LINGO2: variants seen among roughly 807,000 people sequenced by gnomAD.
LINGO2 encodes leucine rich repeat and Ig domain containing 2.
In LINGO2, 14 loss-of-function variants were observed where a neutral mutation model predicts 30.6. The ratio of observed to expected loss-of-function variants is 0.46; its 90% CI spans 0.30 to 0.72. The LOEUF (loss-of-function observed/expected upper bound fraction) is 0.72, where lower values mean the gene tolerates loss of function less well. Ranked by LOEUF, LINGO2 falls within the 30% of genes least tolerant of loss-of-function variation. The pLI is 0.07. For synonymous variants in LINGO2, 317 were observed against 288.5 expected, an observed-to-expected ratio of 1.10 and a Z score of -1.00; for missense variants, 729 against 751.7, an observed-to-expected ratio of 0.97 and a Z score of 0.35.
chr9:28,667,707 G>A (rs1291885906), intron 1 of LINGO2, among the ~76,000 whole-genome samples: 1 of 152,132 alleles, frequency 6.6e-6, no homozygotes, highest in Non-Finnish European at 1.5e-5. Context: ...TTGTGCCACT[G>A]CACTCCAGCC....
intron 2 of LINGO2, among the ~76,000 whole-genome samples, chr9:28,382,862 C>G (rs537707268): frequency 6.6e-6 from 1 of 152,132 alleles, no homozygotes; most frequent in African/African-American, 2.4e-5. Flanking sequence ...AAATGAAATA[C>G]TACCACAAAA....
At chr9:28,987,507 TTTTG>T in the LINGO2 span, among the ~76,000 whole-genome samples, 1 of 150,916 alleles carries the variant, frequency 6.6e-6, no homozygotes, top group African/African-American at 2.5e-5. Flanking sequence ...TTTATTGACC[TTTTG>T]TATTATTTTT....
the LINGO2 span, among the ~76,000 whole-genome samples, chr9:28,796,206 A>C: frequency 6.6e-6 from 1 of 152,154 alleles, no homozygotes; most frequent in East Asian, 1.9e-4. Flanking sequence ...GAGGCAGAGG[A>C]TAGAGCTTCC....
In LINGO2 at chr9:28,147,868, T is replaced by C. The variant is rs970124784; in HGVS notation, c.-86-135463A>G. 7.2e-5 allele frequency among the ~76,000 whole-genome samples: 11 copies of C among 152,070 alleles called. No homozygotes were observed. The highest frequency in any genetic ancestry group is 1.3e-4 in the Non-Finnish European group (9 of 67,988). On this transcript the variant is annotated intron_variant, in intron 4 of 5. Transcript: ENST00000379992. The surrounding 1 kb of genome is among the most constrained non-coding windows in gnomAD (Gnocchi z 4.7). ...CACCCTGGCTCTGTCACCAGCCCCA[T>C]AGTGATGTCATAAACTCCCAGATGC...
chr9:29,183,789 A>G, the LINGO2 span, among the ~76,000 whole-genome samples: 2 of 151,878 alleles, frequency 1.3e-5, 1 homozygote, highest in South Asian at 4.2e-4. Flanking sequence ...TGCTACACAA[A>G]GATGTAGCAT....
At chr9:28,241,223 C>A (rs190780586) in intron 4 of LINGO2, among the ~76,000 whole-genome samples, 2 of 130,794 alleles carry the variant, frequency 1.5e-5, no homozygotes, top group East Asian at 2.4e-4. Flanking sequence ...GAGCTGAGAT[C>A]GTGCCACTGC....
At chr9:28,085,840 G>C (rs192571702) in intron 4 of LINGO2, among the ~76,000 whole-genome samples, 2 of 152,028 alleles carry the variant, frequency 1.3e-5, no homozygotes, top group Non-Finnish European at 2.9e-5. Flanking sequence ...CGCTGGTGAG[G>C]TATTTTACTG....
chr9:27,968,048 G>C (rs1208631622), intron 5 of LINGO2, among the ~76,000 whole-genome samples: 2 of 152,100 alleles, frequency 1.3e-5, no homozygotes, highest in African/African-American at 4.8e-5. Flanking sequence ...CCAAAAAAGA[G>C]TAGAAAACTA....
At chr9:28,100,304 T>C (rs1465549534) in intron 4 of LINGO2, among the ~76,000 whole-genome samples, 2 of 152,172 alleles carry the variant, frequency 1.3e-5, no homozygotes, top group Non-Finnish European at 2.9e-5. Context: ...CAATGTGAGC[T>C]CTTAGCATGT....
intron 4 of LINGO2, among the ~76,000 whole-genome samples, chr9:28,216,206 A>AAAAT (rs1364171410): frequency 4.6e-5 from 7 of 151,976 alleles, no homozygotes; most frequent in African/African-American, 1.7e-4. Flanking sequence ...CACAACAGTC[A>AAAAT]AAATAAATAA....
rs1057316628 is a variant in LINGO2, at chr9:28,130,374, A to G, written c.-86-117969T>C. On this transcript the variant is annotated intron_variant, in intron 4 of 5. Coordinates refer to ENST00000379992, the Ensembl canonical transcript of LINGO2. The surrounding 1 kb of genome is among the most constrained non-coding windows in gnomAD (Gnocchi z 5.2). ...ATGAGACTGTAGAAGGTATTTAAAC[A>G]TTCACAAGGACAGAGCTATGTTGGG... is the stretch of plus-strand genomic sequence containing the variant. Among the ~76,000 whole-genome samples, 5 of 152,234 alleles carry G rather than the reference A, an allele frequency of 3.3e-5. No homozygotes were observed. Among genetic ancestry groups the G allele is most frequent in the African/African-American group, 1.2e-4 (5 of 41,468 alleles).
chr9:28,625,815 G>A (rs886917950), intron 1 of LINGO2, among the ~76,000 whole-genome samples: 1 of 151,836 alleles, frequency 6.6e-6, no homozygotes, highest in African/African-American at 2.4e-5. Context: ...TGTTTGCATC[G>A]TATAGCTTTC....
chr9:29,032,000 C>G, the LINGO2 span, among the ~76,000 whole-genome samples: 1 of 152,160 alleles, frequency 6.6e-6, no homozygotes, highest in Admixed American at 6.5e-5. Context: ...AAGGGCTTTC[C>G]TAGACAAAGT....
chr9:28,651,882 C>A (rs866728448), intron 1 of LINGO2, among the ~76,000 whole-genome samples: 38 of 152,252 alleles, frequency 2.5e-4, no homozygotes, highest in African/African-American at 7.7e-4. Context: ...CTTAGCATAT[C>A]CAGTTCTTTT....
the LINGO2 span, among the ~76,000 whole-genome samples, chr9:28,739,346 T>C: frequency 1.3e-5 from 2 of 151,962 alleles, no homozygotes; most frequent in Non-Finnish European, 2.9e-5. Flanking sequence ...ATAATATTTA[T>C]TCCAATGTCT....
At chr9:28,213,521 T>C (rs2133867824) in intron 4 of LINGO2, among the ~76,000 whole-genome samples, 1 of 151,616 alleles carries the variant, frequency 6.6e-6, no homozygotes, top group Non-Finnish European at 1.5e-5. Context: ...AGTGATAGAA[T>C]AGTGACTTAT....
the LINGO2 span, among the ~76,000 whole-genome samples, chr9:28,813,017 G>C: frequency 6.6e-6 from 1 of 150,534 alleles, no homozygotes; most frequent in Non-Finnish European, 1.5e-5. Flanking sequence ...TATAAACAGA[G>C]TCATAAGTAA....
At chr9:28,275,688 G>C (rs1468511305) in intron 4 of LINGO2, among the ~76,000 whole-genome samples, 1 of 152,136 alleles carries the variant, frequency 6.6e-6, no homozygotes, top group Non-Finnish European at 1.5e-5. Flanking sequence ...AAAAAACAAA[G>C]TTGAAAATTC....
At chr9:28,327,907 GAAGA>G (rs924728625) in intron 3 of LINGO2, among the ~76,000 whole-genome samples, 1 of 152,032 alleles carries the variant, frequency 6.6e-6, no homozygotes, top group Non-Finnish European at 1.5e-5. Flanking sequence ...AAGGAGAAAG[GAAGA>G]AAGGAAGGAA....
Sources: gnomAD v4.1 joint callset for allele counts (sites outside exome capture counted in the v4.1 genomes callset) on GRCh38, gnomAD v4.1.1 for gene constraint, Gnocchi (gnomAD v3.1) non-coding constraint, MANE v1.5 for transcripts, NCBI Gene and HGNC (gene_info 2026-07-23, HGNC 2026-07-21) for gene names.